The following P2RY10 variants were observed in gnomAD, a reference collection of about 807,000 sequenced individuals.
P2RY10 encodes P2Y receptor family member 10, also known as putative P2Y purinoceptor 10.
Under a neutral mutation model 12.1 loss-of-function variants are expected in P2RY10, and 4 were observed. The ratio of observed to expected loss-of-function variants is 0.33; its 90% confidence interval spans 0.16 to 0.76. The LOEUF (loss-of-function observed/expected upper bound fraction) is 0.76, where lower values mean the gene tolerates loss of function less well. P2RY10 is among the 30% of genes least tolerant of loss of function. The probability of loss-of-function intolerance (pLI) is 0.61; values close to 1 mark genes in which losing one functional copy is unlikely to be tolerated. For missense variants in P2RY10, 233 were observed against 264.6 expected (o/e 0.88, Z 0.83); for synonymous variants, 112 against 94.1 (o/e 1.19, Z -1.10).
chrX:78,952,136 G>A (rs1358928786), intron 2 of P2RY10, 57 bp from the exon 3 acceptor site: 2 of 579,280 alleles, frequency 3.5e-6, no homozygotes, highest in Non-Finnish European at 2.1e-6. Flanking sequence ...GACACACTTT[G>A]TAAGTGAATC....
rs1922588281 is a variant in P2RY10 at position 78,961,035 on chromosome X, G to A, written c.515G>A (p.Ser172Asn). Residue 172 changes from serine (S) to asparagine (N), a missense_variant, in exon 4 of 4, where the codon AGC (serine) becomes AAC (asparagine). Transcript: ENST00000171757. ...TACLPFPILR[S>N]TDLNNNKSCF... Reference sequence around the variant, plus strand: ...TGTTTGCCATTTCCCATCCTGAGAAGCACAGACTTAAACAACAACAAGTCC... The same window carrying A: ...TGTTTGCCATTTCCCATCCTGAGAAACACAGACTTAAACAACAACAAGTCC... The A allele has an allele frequency of 3.3e-6, 4 of 1,211,695 alleles. No individual in the cohort carries two copies. The South Asian group carries it at 7.0e-5, about 21-fold the overall frequency.
intron 3 of P2RY10, among the ~76,000 whole-genome samples, chrX:78,953,037 C>T: frequency 8.9e-6 from 1 of 111,993 alleles, no homozygotes; most frequent in East Asian, 2.8e-4. Context: ...CATTAATTTC[C>T]ATTTGTGCCA....
In P2RY10 at chrX:78,963,368, A is replaced by G. The variant is rs914440982; in HGVS notation, c.*1828A>G. ...AATCTGAATCTAATGGCACTTCCTT[A>G]CGAGGGTTTTCAGATGTGCTTGTAG... On this transcript the variant is annotated 3_prime_UTR_variant, in exon 4 of 4. Coordinates refer to ENST00000171757, the MANE Select transcript of P2RY10 (RefSeq NM_014499.4). Among the ~76,000 whole-genome samples, 1 of 112,565 alleles carries G rather than the reference A, an allele frequency of 8.9e-6. No individual in the cohort carries two copies. The highest frequency in any genetic ancestry group is 3.2e-5 in the African/African-American group (1 of 30,976).
intron 3 of P2RY10, among the ~76,000 whole-genome samples, chrX:78,956,894 A>C (rs754392663): frequency 8.9e-6 from 1 of 111,766 alleles, no homozygotes; most frequent in African/African-American, 3.3e-5. Flanking sequence ...AGTGGTAGCC[A>C]TACTTAATGT....
At chrX:78,959,102 T>C (rs1212212906) in intron 3 of P2RY10, among the ~76,000 whole-genome samples, 11 of 111,295 alleles carry the variant, frequency 9.9e-5, no homozygotes, top group African/African-American at 3.6e-4. Context: ...ACAACCTCAG[T>C]ACATTGTTTT....
chrX:78,959,046 C>CA (rs5902773), intron 3 of P2RY10, among the ~76,000 whole-genome samples: 9 of 105,278 alleles, frequency 8.5e-5, no homozygotes, highest in Non-Finnish European at 1.4e-4. Flanking sequence ...TTAAACAAAA[C>CA]AAAAAAAAAA....
Position 78,961,820 on chromosome X carries a change from T to G in P2RY10, c.*280T>G, listed in dbSNP as rs1201073504. 1.2e-5 allele frequency: 3 copies of G among 244,431 alleles called. No individual in the cohort carries two copies. The East Asian group carries it at 2.1e-4, about 17-fold the overall frequency. The allele number at this position is 244,431 out of a possible 1,213,427, so 20.1% of individuals were successfully genotyped here. A position where few individuals can be genotyped will look rare whatever the true frequency, so the allele number is the denominator to read the frequency against. On this transcript the variant is annotated 3_prime_UTR_variant, in exon 4 of 4. Coordinates refer to ENST00000171757, the MANE Select transcript of P2RY10 (RefSeq NM_014499.4). ...AAGTTTTTACAGATGTAAATAAAAG[T>G]TGAATAGTTTACCTTAAATTTTTTT...
intron 2 of P2RY10, among the ~76,000 whole-genome samples, chrX:78,948,128 T>C (rs753590851): frequency 1.8e-5 from 2 of 112,445 alleles, no homozygotes; most frequent in African/African-American, 6.4e-5. Context: ...TAAGAGGATT[T>C]TGTAGATCTG....
chrX:78,947,419 G>A (rs1921894345), intron 1 of P2RY10, among the ~76,000 whole-genome samples: 1 of 111,874 alleles, frequency 8.9e-6, no homozygotes, highest in South Asian at 3.7e-4. Flanking sequence ...AGTATATTTT[G>A]TGGAGAAGTT....
At position 78,963,476 on chromosome X, in the gene P2RY10, A is replaced by G. The variant is rs928720056; in HGVS notation, c.*1936A>G. On this transcript the variant is annotated 3_prime_UTR_variant, in exon 4 of 4. Coordinates refer to ENST00000171757, the MANE Select transcript of P2RY10 (RefSeq NM_014499.4). ...TTGGAAGAAACCCATTTGGAACTACACACCCTGCTATGTCTGTGGAGAAAT... is the reference window on the plus strand; with the variant it reads ...TTGGAAGAAACCCATTTGGAACTACGCACCCTGCTATGTCTGTGGAGAAAT... 8.9e-6 allele frequency among the ~76,000 whole-genome samples: 1 copy of G among 112,224 alleles called. No individual in the cohort carries two copies. The highest frequency in any genetic ancestry group is 3.2e-5 in the African/African-American group (1 of 30,880).
intron 3 of P2RY10, among the ~76,000 whole-genome samples, chrX:78,955,006 CG>C: frequency 9.0e-6 from 1 of 111,466 alleles, no homozygotes; most frequent in South Asian, 3.8e-4. Flanking sequence ...AAAACGGGGA[CG>C]GGGTGGAGAG....
At chrX:78,950,853 CAT>C (rs956871387) in intron 2 of P2RY10, among the ~76,000 whole-genome samples, 2 of 111,945 alleles carry the variant, frequency 1.8e-5, no homozygotes, top group South Asian at 3.7e-4. Context: ...AAGCTGAAAT[CAT>C]AACTCTGACT....
intron 2 of P2RY10, among the ~76,000 whole-genome samples, chrX:78,950,589 C>T (rs992241232): frequency 1.8e-5 from 2 of 111,332 alleles, no homozygotes; most frequent in South Asian, 3.8e-4. Flanking sequence ...AATTTGAATT[C>T]ATAAGCACAA....
At chrX:78,954,909 C>T (rs779852411) in intron 3 of P2RY10, among the ~76,000 whole-genome samples, 1 of 111,897 alleles carries the variant, frequency 8.9e-6, no homozygotes, top group East Asian at 2.8e-4. Flanking sequence ...TTAAAGAGAA[C>T]AATCGATAAT....
intron 2 of P2RY10, 79 bp from the exon 3 acceptor site, chrX:78,952,114 A>G (rs1768386382): frequency 7.3e-6 from 3 of 412,264 alleles, no homozygotes; most frequent in Non-Finnish European, 6.1e-6. Flanking sequence ...TTATGGCTGT[A>G]TAGTATTTAG....
chrX:78,954,390 G>A (rs1267888984), intron 3 of P2RY10, among the ~76,000 whole-genome samples: 1 of 110,957 alleles, frequency 9.0e-6, no homozygotes, highest in East Asian at 2.8e-4. Flanking sequence ...CACCAGGTGG[G>A]ATAGAATTAT....
In P2RY10 at chrX:78,963,712, A is replaced by G. The variant is rs1416808289; in HGVS notation, c.*2172A>G. On this transcript the variant is annotated 3_prime_UTR_variant, in exon 4 of 4. Coordinates refer to ENST00000171757, the MANE Select transcript of P2RY10 (RefSeq NM_014499.4). ...GAGAGAAAAACATAAAAATATAAAA[A>G]CATTCAAGCAATCGACTATTGGTTC... 8.9e-6 allele frequency among the ~76,000 whole-genome samples: 1 copy of G among 112,463 alleles called. No individual in the cohort carries two copies. Among genetic ancestry groups the G allele is most frequent in the Non-Finnish European group, 1.9e-5 (1 of 53,294 alleles).
intron 3 of P2RY10, among the ~76,000 whole-genome samples, chrX:78,953,868 G>C (rs1410366772): frequency 9.0e-6 from 1 of 111,089 alleles, no homozygotes; most frequent in Non-Finnish European, 1.9e-5. Context: ...CATTTTTAAA[G>C]TATTATTTAT....
At chrX:78,959,720 G>A (rs902668576) in intron 3 of P2RY10, among the ~76,000 whole-genome samples, 2 of 111,946 alleles carry the variant, frequency 1.8e-5, no homozygotes, top group African/African-American at 6.5e-5. Flanking sequence ...TATTGTGACT[G>A]TTGGATAATA....
Sources: gnomAD v4.1 joint callset for allele counts (sites outside exome capture counted in the v4.1 genomes callset) on GRCh38, gnomAD v4.1.1 for gene constraint, MANE v1.5 for transcripts, NCBI Gene and HGNC (gene_info 2026-07-23, HGNC 2026-07-21) for gene names.